KATNAL2: variants seen among roughly 807,000 people sequenced by gnomAD.
The protein encoded by KATNAL2 is katanin p60 ATPase-containing subunit A-like 2.
In KATNAL2, 52 loss-of-function variants were observed where a neutral mutation model predicts 76.3. The ratio of observed to expected loss-of-function variants is 0.68; its 90% CI spans 0.55 to 0.86. The LOEUF is 0.86. KATNAL2 is among the 40% of genes least tolerant of loss of function. The pLI, the probability that KATNAL2 is intolerant of heterozygous loss-of-function variation, is 0.00. For missense variants in KATNAL2, 660 were observed against 668.9 expected, an observed-to-expected ratio of 0.99 and a Z score of 0.15; for synonymous variants, 243 against 244.2, an observed-to-expected ratio of 1.00 and a Z score of 0.05.
At chr18:46,922,445 C>T (rs1353094887) in intron 1 of KATNAL2, among the ~76,000 whole-genome samples, 1 of 151,736 alleles carries the variant, frequency 6.6e-6, no homozygotes, top group East Asian at 1.9e-4. Flanking sequence ...TTCTTCTCCA[C>T]TTTCACTGCA....
At chr18:47,048,527 A>G (rs1316679605) in intron 4 of KATNAL2, among the ~76,000 whole-genome samples, 1 of 152,060 alleles carries the variant, frequency 6.6e-6, no homozygotes, top group East Asian at 1.9e-4. Flanking sequence ...TTAGGCTCAA[A>G]CTCTGTATCT....
At chr18:47,070,531 G>A (rs781073229) in intron 13 of KATNAL2, among the ~76,000 whole-genome samples, 28 of 152,210 alleles carry the variant, frequency 1.8e-4, no homozygotes, top group Non-Finnish European at 3.4e-4. Flanking sequence ...TTAGGTCCCA[G>A]TGTAAGACAG....
intron 9 of KATNAL2, 77 bp downstream of exon 9, chr18:47,063,147 C>T: frequency 1.4e-6 from 2 of 1,474,742 alleles, no homozygotes; most frequent in Non-Finnish European, 1.9e-6. Flanking sequence ...ATTTTGAGTA[C>T]AGTGAAACCT....
intron 15 of KATNAL2, among the ~76,000 whole-genome samples, chr18:47,082,310 A>T (rs2062563944): frequency 6.6e-6 from 1 of 152,178 alleles, no homozygotes; most frequent in African/African-American, 2.4e-5. Context: ...AGATGCCAGT[A>T]GCACCTCCTC....
chr18:46,950,929 C>T (rs896277221), intron 3 of KATNAL2, among the ~76,000 whole-genome samples: 2 of 152,206 alleles, frequency 1.3e-5, no homozygotes, highest in African/African-American at 4.8e-5. Context: ...GGTGATCTGC[C>T]TGCCTCGGCC....
chr18:47,032,893 G>T, intron 3 of KATNAL2: 1 of 1,588,742 alleles, frequency 6.3e-7, no homozygotes, highest in South Asian at 1.2e-5. Flanking sequence ...GCTCAACTTT[G>T]CACCAAGTTA....
intron 1 of KATNAL2, among the ~76,000 whole-genome samples, chr18:46,932,428 A>T (rs2146562367): frequency 6.6e-6 from 1 of 152,090 alleles, no homozygotes; most frequent in South Asian, 2.1e-4. Flanking sequence ...TAATTCCAGC[A>T]CTTTAGGAGA....
At chr18:47,080,453 C>T (rs552555063) in intron 15 of KATNAL2, among the ~76,000 whole-genome samples, 1 of 152,322 alleles carries the variant, frequency 6.6e-6, no homozygotes, top group Non-Finnish European at 1.5e-5. Context: ...ACCCTGTACT[C>T]ATTAGCAACC....
At chr18:47,087,406 A>G (rs1422837772) in intron 15 of KATNAL2, among the ~76,000 whole-genome samples, 2 of 152,174 alleles carry the variant, frequency 1.3e-5, no homozygotes, top group Non-Finnish European at 2.9e-5. Context: ...GGGAACATGG[A>G]TGAAGCTGAA....
chr18:47,073,855 T>C (rs1305570607), intron 13 of KATNAL2, among the ~76,000 whole-genome samples: 1 of 152,208 alleles, frequency 6.6e-6, no homozygotes, highest in Non-Finnish European at 1.5e-5. Flanking sequence ...ATATTCCCTA[T>C]GAGTGGAAAG....
At chr18:47,034,326 C>T (rs377063771) in intron 3 of KATNAL2, 3 of 1,612,688 alleles carry the variant, frequency 1.9e-6, no homozygotes, top group East Asian at 2.2e-5. Context: ...TCTTCTTGTT[C>T]GAGTGACTGT....
intron 3 of KATNAL2, 87 bp from the exon 4 acceptor site, chr18:47,046,370 C>T: frequency 4.6e-6 from 4 of 864,530 alleles, no homozygotes; most frequent in South Asian, 4.4e-5. Context: ...TTGGCTTTGA[C>T]AGGTTACATT....
At chr18:46,943,704 G>A (rs2059310269) in intron 1 of KATNAL2, among the ~76,000 whole-genome samples, 1 of 152,220 alleles carries the variant, frequency 6.6e-6, no homozygotes, top group African/African-American at 2.4e-5. Flanking sequence ...TAATAAACTT[G>A]CTTTCACTTT....
intron 16 of KATNAL2, 84 bp from the exon 17 acceptor site, chr18:47,100,170 C>T: frequency 1.1e-6 from 1 of 893,850 alleles, no homozygotes; most frequent in South Asian, 1.4e-5. Context: ...CACAGGGCTT[C>T]TGATACTGGG....
At chr18:46,947,405 C>T (rs575623081) in intron 3 of KATNAL2, among the ~76,000 whole-genome samples, 2 of 152,142 alleles carry the variant, frequency 1.3e-5, no homozygotes, top group Non-Finnish European at 2.9e-5. Context: ...ATCTGAAAGT[C>T]AGGGAATTGG....
chr18:46,920,267 T>C (rs553070061), intron 1 of KATNAL2: 1 of 386,244 alleles, frequency 2.6e-6, no homozygotes, highest in Admixed American at 2.9e-5. Context: ...TGAGCATTTA[T>C]AGGCTTTGCC....
intron 4 of KATNAL2, among the ~76,000 whole-genome samples, chr18:47,047,487 A>G (rs1351048495): frequency 5.9e-5 from 9 of 152,148 alleles, no homozygotes. Flanking sequence ...CGCAATGCCC[A>G]TTCTATAACT....
intron 1 of KATNAL2, among the ~76,000 whole-genome samples, chr18:46,939,431 G>A (rs2059183411): frequency 6.6e-6 from 1 of 151,958 alleles, no homozygotes; most frequent in African/African-American, 2.4e-5. Context: ...AGAATCAAAT[G>A]TATGGAGGCT....
rs747192229 is a variant in KATNAL2 at position 47,099,413 on chromosome 18, GC to G, written c.1374+11del. 1 of 1,602,960 alleles carries G rather than the reference GC, an allele frequency of 6.2e-7. No homozygotes were observed. The highest frequency in any genetic ancestry group is 1.7e-4 in the Middle Eastern group (1 of 6,014). The stretch of plus-strand genomic sequence containing the variant: ...TACAGTGTGCTGAGCCAGGTCAGCT[GC>G]CCTGGAGAGGGGCACATGTAGGTCA... On this transcript the variant is annotated intron_variant, in intron 16 of 17. Transcript: ENST00000683218.
Sources: allele counts gnomAD v4.1 joint callset (sites outside exome capture counted in the v4.1 genomes callset), GRCh38; gene constraint gnomAD v4.1.1; transcripts MANE v1.5; gene names NCBI Gene and HGNC (gene_info 2026-07-23, HGNC 2026-07-21).